STIM1: variants seen among roughly 807,000 people sequenced by gnomAD.
The protein encoded by STIM1 is stromal interaction molecule 1.
In STIM1, 25 loss-of-function variants were observed where a neutral mutation model predicts 74.7. That is an observed-to-expected ratio of 0.33 (90% CI 0.24 to 0.47). The LOEUF (loss-of-function observed/expected upper bound fraction) is 0.47. Among genes scored for constraint, STIM1 ranks in the 20% least tolerant of loss-of-function variants. The pLI, the probability that STIM1 is intolerant of heterozygous loss-of-function variation, is 1.00. For synonymous variants in STIM1, 328 were observed against 348.8 expected (o/e 0.94, Z 0.66); for missense variants, 728 against 920.8 (o/e 0.79, Z 2.71).
At chr11:3,880,387 T>C (rs2091457334) in intron 1 of STIM1, among the ~76,000 whole-genome samples, 1 of 152,070 alleles carries the variant, frequency 6.6e-6, no homozygotes, top group South Asian at 2.1e-4. Flanking sequence ...GAGGATGAGC[T>C]TGAATGCTGT....
intron 2 of STIM1, among the ~76,000 whole-genome samples, chr11:4,023,569 TC>T (rs1423375028): frequency 6.6e-6 from 1 of 152,236 alleles, no homozygotes; most frequent in Non-Finnish European, 1.5e-5. Context: ...CTTTTTTCTT[TC>T]CTCTTTTAGC....
chr11:3,922,019 C>T (rs932725679), intron 1 of STIM1: 6 of 152,158 alleles, frequency 3.9e-5, no homozygotes, highest in Non-Finnish European at 8.8e-5. Flanking sequence ...TCAGTTAAGC[C>T]ACTTCCTTGA....
intron 3 of STIM1, among the ~76,000 whole-genome samples, chr11:4,050,378 G>C (rs752264429): frequency 3.3e-5 from 5 of 152,182 alleles, no homozygotes; most frequent in Non-Finnish European, 5.9e-5. Flanking sequence ...GTTCATTATA[G>C]TGCTATCAGA....
intron 1 of STIM1, among the ~76,000 whole-genome samples, chr11:3,874,712 G>A (rs2091253303): frequency 6.6e-6 from 1 of 152,208 alleles, no homozygotes; most frequent in Non-Finnish European, 1.5e-5. Flanking sequence ...TTAAGTCACT[G>A]AGGCATGAAT....
chr11:4,003,549 T>G (rs1480026689), intron 2 of STIM1, among the ~76,000 whole-genome samples: 1 of 133,244 alleles, frequency 7.5e-6, no homozygotes, highest in Non-Finnish European at 1.6e-5. Flanking sequence ...CTCTTCATGC[T>G]AAAAACTCTC....
At chr11:3,936,898 A>G (rs372796962) in intron 1 of STIM1, among the ~76,000 whole-genome samples, 7 of 152,328 alleles carry the variant, frequency 4.6e-5, no homozygotes, top group Non-Finnish European at 1.0e-4. Context: ...TTAGAACCCA[A>G]TGGGTGGGAT....
chr11:4,020,960 AT>A (rs1205421987), intron 2 of STIM1, among the ~76,000 whole-genome samples: 1 of 151,210 alleles, frequency 6.6e-6, no homozygotes, highest in South Asian at 2.1e-4. Context: ...TTTTAATCTG[AT>A]TTTTTTTCTA....
chr11:4,085,279 C>T (rs895555229), intron 11 of STIM1, among the ~76,000 whole-genome samples: 1 of 152,158 alleles, frequency 6.6e-6, no homozygotes, highest in South Asian at 2.1e-4. Context: ...TCCAAGGCTT[C>T]GCTCACCCTT....
chr11:4,092,090 C>T lies in STIM1; in HGVS notation c.*292C>T. ...TTGCTGTTCCCTCAGCTCCCAGCTC[C>T]ACCTCTGGGGTTCAGCTTCTGTCTC... On this transcript the variant is annotated 3_prime_UTR_variant, in exon 13 of 13. Coordinates refer to ENST00000526596, the MANE Select transcript of STIM1 (RefSeq NM_001382567.1). 2.1e-6 allele frequency: 1 copy of T among 483,396 alleles called. No homozygotes were observed. The highest frequency in any genetic ancestry group is 2.3e-5 in the South Asian group (1 of 43,950). 29.9% of individuals were successfully genotyped at this position (483,396 alleles called of 1,614,324 possible). A position where few individuals can be genotyped will look rare whatever the true frequency, so the allele number is the denominator to read the frequency against.
rs146977723 is a variant in STIM1, at chr11:3,880,845, A to G, written c.139+24436A>G. Reference sequence around the variant, plus strand: ...GGTCTGTCTGGAAAGAGGATGAGATACATGGACCAATACATCCTATTTAAA... The same window carrying G: ...GGTCTGTCTGGAAAGAGGATGAGATGCATGGACCAATACATCCTATTTAAA... On this transcript the variant is annotated intron_variant, in intron 1 of 12. Transcript: ENST00000526596. Among the ~76,000 whole-genome samples the G allele has an allele frequency of 7.8e-3, 1,182 of 152,274 alleles. 28 individuals are homozygous for G. The highest frequency in any genetic ancestry group is 0.038 in the Admixed American group (585 of 15,294).
chr11:4,082,165 C>A lies in STIM1; in HGVS notation c.970-19C>A, dbSNP rs185539797. 1 of 1,613,978 alleles carries A rather than the reference C, an allele frequency of 6.2e-7. No individual in the cohort carries two copies. Among genetic ancestry groups the A allele is most frequent in the Non-Finnish European group, 8.5e-7 (1 of 1,179,968 alleles). On this transcript the variant is annotated intron_variant, in intron 7 of 12. Transcript: ENST00000526596. ...GTCTTAGTAGCAGTAAATGAACTCACATCCTTTTGGCTGCCTAGGTTCGGG... is the reference window on the plus strand; with the variant it reads ...GTCTTAGTAGCAGTAAATGAACTCAAATCCTTTTGGCTGCCTAGGTTCGGG...
chr11:4,019,414 C>T (rs1437395524), intron 2 of STIM1, among the ~76,000 whole-genome samples: 1 of 152,092 alleles, frequency 6.6e-6, no homozygotes, highest in African/African-American at 2.4e-5. Context: ...TGGCTGACGC[C>T]TGTAATCCGA....
chr11:4,007,012 T>A (rs2093788792), intron 2 of STIM1, among the ~76,000 whole-genome samples: 1 of 152,156 alleles, frequency 6.6e-6, no homozygotes, highest in Non-Finnish European at 1.5e-5. Context: ...CTGGGCCTAT[T>A]TTGTAGAAAT....
intron 2 of STIM1, among the ~76,000 whole-genome samples, chr11:3,992,333 G>A (rs1005546614): frequency 2.6e-5 from 4 of 151,686 alleles, no homozygotes; most frequent in African/African-American, 9.7e-5. Flanking sequence ...AGAATGGCTT[G>A]AACCCAGTAG....
intron 1 of STIM1, among the ~76,000 whole-genome samples, chr11:3,938,077 G>T (rs565984227): frequency 2.0e-5 from 3 of 152,078 alleles, no homozygotes; most frequent in South Asian, 4.2e-4. Context: ...GGGTTTACAG[G>T]TGCCCACCAC....
At chr11:3,957,977 T>C (rs1364380378) in intron 1 of STIM1, among the ~76,000 whole-genome samples, 1 of 152,166 alleles carries the variant, frequency 6.6e-6, no homozygotes, top group Non-Finnish European at 1.5e-5. Flanking sequence ...GCGATTCTCC[T>C]GCCTCAGCCT....
intron 1 of STIM1, among the ~76,000 whole-genome samples, chr11:3,874,251 C>T (rs1457793591): frequency 6.6e-6 from 1 of 152,166 alleles, no homozygotes; most frequent in Non-Finnish European, 1.5e-5. Context: ...TAGTAGCCCT[C>T]AAATGGCCTT....
chr11:3,915,436 C>T (rs149253161), intron 1 of STIM1, among the ~76,000 whole-genome samples: 55 of 148,016 alleles, frequency 3.7e-4, no homozygotes, highest in African/African-American at 1.2e-3. Flanking sequence ...CTTGCTCTGT[C>T]GCCCAGGCTG....
intron 2 of STIM1, among the ~76,000 whole-genome samples, chr11:3,999,860 A>C (rs191406533): frequency 1.3e-5 from 2 of 152,256 alleles, no homozygotes; most frequent in East Asian, 3.9e-4. Context: ...CGGCACCTGG[A>C]AAATCGGGCC....
Sources: gnomAD v4.1 joint callset for allele counts (sites outside exome capture counted in the v4.1 genomes callset) on GRCh38, gnomAD v4.1.1 for gene constraint, MANE v1.5 for transcripts, NCBI Gene and HGNC (gene_info 2026-07-23, HGNC 2026-07-21) for gene names.